ADAMTS3: variants seen among roughly 807,000 people sequenced by gnomAD.
ADAMTS3 encodes ADAM metallopeptidase with thrombospondin type 1 motif 3, also known as A disintegrin and metalloproteinase with thrombospondin motifs 3.
In ADAMTS3, 73 loss-of-function variants were observed where a neutral mutation model predicts 129.0. The observed-to-expected ratio is 0.57, with a 90% CI of 0.47 to 0.69. ADAMTS3 has a LOEUF of 0.69. Ranked by LOEUF, ADAMTS3 falls within the 30% of genes least tolerant of loss-of-function variation. The pLI, the probability that ADAMTS3 is intolerant of heterozygous loss-of-function variation, is 0.00. For synonymous variants in ADAMTS3, 477 were observed against 510.8 expected, an observed-to-expected ratio of 0.93 and a Z score of 0.89; for missense variants, 1,457 against 1,514.5, an observed-to-expected ratio of 0.96 and a Z score of 0.63.
intron 3 of ADAMTS3, among the ~76,000 whole-genome samples, chr4:72,446,457 A>C (rs2109965390): frequency 6.6e-6 from 1 of 151,748 alleles, no homozygotes; most frequent in East Asian, 2.0e-4. Flanking sequence ...AGGTGAGAAC[A>C]ATGAACAAAT....
intron 3 of ADAMTS3, among the ~76,000 whole-genome samples, chr4:72,434,384 GAACTCGTGTCTTTTAA>G (rs11270990): frequency 0.62 from 93,631 of 151,612 alleles, 29,675 homozygotes; most frequent in South Asian, 0.79. Context: ...ACTAAGACAT[GAACTCGTGTCTTTTAA>G]CTCTTAACTG....
chr4:72,387,707 T>A (rs1294195944), intron 4 of ADAMTS3, among the ~76,000 whole-genome samples: 1 of 152,136 alleles, frequency 6.6e-6, no homozygotes, highest in Non-Finnish European at 1.5e-5. Context: ...TACAGTACTA[T>A]CAAAATTTTC....
chr4:72,429,644 G>A (rs918227973), intron 3 of ADAMTS3, among the ~76,000 whole-genome samples: 1 of 151,914 alleles, frequency 6.6e-6, no homozygotes, highest in African/African-American at 2.4e-5. Flanking sequence ...TACATTTTGA[G>A]GATATGTATT....
chr4:72,565,348 C>T (rs1458877466), intron 2 of ADAMTS3, among the ~76,000 whole-genome samples: 1 of 152,120 alleles, frequency 6.6e-6, no homozygotes, highest in Non-Finnish European at 1.5e-5. Flanking sequence ...TATAAAACTA[C>T]TTCTAAATCA....
intron 5 of ADAMTS3, among the ~76,000 whole-genome samples, chr4:72,328,343 G>A (rs1042615990): frequency 4.6e-5 from 7 of 152,252 alleles, no homozygotes; most frequent in South Asian, 2.1e-4. Flanking sequence ...GTTTGTTCCC[G>A]GACAGGACAA....
At chr4:72,547,200 T>C (rs1196641945) in intron 3 of ADAMTS3, among the ~76,000 whole-genome samples, 1 of 152,168 alleles carries the variant, frequency 6.6e-6, no homozygotes, top group African/African-American at 2.4e-5. Context: ...AATTCTTACC[T>C]ATAATTAGGG....
intron 4 of ADAMTS3, among the ~76,000 whole-genome samples, chr4:72,367,723 G>A (rs1720903890): frequency 6.6e-6 from 1 of 152,022 alleles, no homozygotes; most frequent in Non-Finnish European, 1.5e-5. Flanking sequence ...GGCGGCAGGC[G>A]CCTGTAGTCC....
chr4:72,315,428 T>C (rs1038104680), intron 11 of ADAMTS3, among the ~76,000 whole-genome samples: 2 of 152,094 alleles, frequency 1.3e-5, no homozygotes, highest in African/African-American at 4.8e-5. Context: ...ATTTGACCCA[T>C]AAAGATGAGG....
intron 2 of ADAMTS3, among the ~76,000 whole-genome samples, chr4:72,566,371 A>G (rs1287514913): frequency 6.6e-6 from 1 of 152,188 alleles, no homozygotes; most frequent in Non-Finnish European, 1.5e-5. Flanking sequence ...CTCATCTCTA[A>G]CATAGGCACA....
chr4:72,285,780 A>G (rs2109764766), intron 21 of ADAMTS3, among the ~76,000 whole-genome samples: 1 of 152,156 alleles, frequency 6.6e-6, no homozygotes, highest in Non-Finnish European at 1.5e-5. Context: ...AAAAAAAAAA[A>G]AAAAAAATGG....
At chr4:72,408,424 C>G (rs745969136) in intron 4 of ADAMTS3, among the ~76,000 whole-genome samples, 2 of 151,426 alleles carry the variant, frequency 1.3e-5, no homozygotes, top group African/African-American at 2.4e-5. Flanking sequence ...TTGCAAAATC[C>G]TAAATGAACA....
chr4:72,526,215 G>A (rs1720802377), intron 3 of ADAMTS3, among the ~76,000 whole-genome samples: 1 of 152,144 alleles, frequency 6.6e-6, no homozygotes, highest in Non-Finnish European at 1.5e-5. Context: ...AGAAAAGTTG[G>A]CAGAGAGAGT....
chr4:72,389,538 AAAATC>A (rs933041495), intron 4 of ADAMTS3, among the ~76,000 whole-genome samples: 6 of 151,272 alleles, frequency 4.0e-5, no homozygotes, highest in African/African-American at 1.5e-4. Flanking sequence ...ACAAAAAAAA[AAAATC>A]ATACAAACAA....
At chr4:72,541,021 A>G (rs970234103) in intron 3 of ADAMTS3, among the ~76,000 whole-genome samples, 13 of 152,224 alleles carry the variant, frequency 8.5e-5, no homozygotes. Context: ...TCCAGACCCC[A>G]GAATGATATA....
At position 72,313,764 on chromosome 4, in the gene ADAMTS3, T is replaced by C. The variant is rs142639362; in HGVS notation, c.1658A>G (p.Asn553Ser). The C allele has an allele frequency of 8.7e-6, 14 of 1,613,884 alleles. No individual in the cohort carries two copies. Among genetic ancestry groups the C allele is most frequent in the Middle Eastern group, 1.7e-4 (1 of 6,058 alleles). Residue 553 changes from asparagine to serine, a missense_variant, in exon 12 of 22, where the codon AAT (asparagine) becomes AGT (serine). Asn to Ser is a conservative substitution (Grantham distance 46). Transcript: ENST00000286657. ...KNANQQKQDG[N>S]WGSWTKFGSC... ...GCCAAATTTAGTCCATGACCCCCAA[T>C]TGCCATCTTGTTTTTGCTGATTAGC...
chr4:72,550,114 A>AGAAGAAGAAGAAGAGGAG (rs142207113), intron 2 of ADAMTS3, among the ~76,000 whole-genome samples: 9 of 96,592 alleles, frequency 9.3e-5, no homozygotes, highest in Non-Finnish European at 1.6e-4. Context: ...AAGAAGAAGA[A>AGAAGAAGAAGAAGAGGAG]GAAGGCATAG....
At chr4:72,549,577 C>T (rs568695360) in intron 2 of ADAMTS3, among the ~76,000 whole-genome samples, 27 of 152,180 alleles carry the variant, frequency 1.8e-4, no homozygotes, top group African/African-American at 6.5e-4. Flanking sequence ...CTCCATAAAC[C>T]TCCATTTTTA....
At chr4:72,347,747 G>T (rs1373360134) in intron 4 of ADAMTS3, among the ~76,000 whole-genome samples, 3 of 151,790 alleles carry the variant, frequency 2.0e-5, no homozygotes, top group African/African-American at 7.3e-5. Context: ...AATCAAGGAG[G>T]TAATAGAAGA....
At chr4:72,401,699 C>A (rs1408829404) in intron 4 of ADAMTS3, among the ~76,000 whole-genome samples, 1 of 149,458 alleles carries the variant, frequency 6.7e-6, no homozygotes, top group African/African-American at 2.5e-5. Flanking sequence ...AAAACCATCA[C>A]AAAGGAAAGA....
Sources: gnomAD v4.1 joint callset for allele counts (sites outside exome capture counted in the v4.1 genomes callset) on GRCh38, gnomAD v4.1.1 for gene constraint, MANE v1.5 for transcripts, NCBI Gene and HGNC (gene_info 2026-07-23, HGNC 2026-07-21) for gene names.